EYA2: variants seen among roughly 807,000 people sequenced by gnomAD.
EYA2 encodes protein phosphatase EYA2.
In EYA2, 31 loss-of-function variants were observed where a neutral mutation model predicts 69.2. The ratio of observed to expected loss-of-function variants is 0.45; its 90% CI spans 0.34 to 0.60. The LOEUF is 0.60. Among genes scored for constraint, EYA2 ranks in the 20% least tolerant of loss-of-function variants. EYA2 has a pLI of 0.02. For missense variants in EYA2, 622 were observed against 701.2 expected (o/e 0.89, Z 1.28); for synonymous variants, 257 against 279.4 (o/e 0.92, Z 0.80).
At chr20:47,073,440 G>A (rs1162984186) in intron 6 of EYA2, among the ~76,000 whole-genome samples, 5 of 151,984 alleles carry the variant, frequency 3.3e-5, no homozygotes. Context: ...TAGTCTCCTG[G>A]GTTTGTGTGT....
At chr20:46,953,311 A>G (rs149209182) in intron 1 of EYA2, among the ~76,000 whole-genome samples, 248 of 152,314 alleles carry the variant, frequency 1.6e-3, no homozygotes, top group African/African-American at 5.6e-3. Context: ...CCCAAGAGTT[A>G]TGGGACCTGG....
chr20:47,166,531 T>G lies in EYA2; in HGVS notation c.979-2608T>G, dbSNP rs901948274. On this transcript the variant is annotated intron_variant, in intron 10 of 15. Coordinates refer to ENST00000327619, the MANE Select transcript of EYA2 (RefSeq NM_005244.5). ...ACTCCCATCAAGGTTCCAGAGATGT[T>G]ACAACCAATTTTTTCTCAGTAGTCA... Among the ~76,000 whole-genome samples, 25 of 150,384 alleles carry G rather than the reference T, an allele frequency of 1.7e-4. 1 individual carries two copies. The highest frequency in any genetic ancestry group is 6.7e-5 in the Admixed American group (1 of 15,026).
chr20:46,949,763 G>C (rs1978686986), intron 1 of EYA2, among the ~76,000 whole-genome samples: 1 of 152,240 alleles, frequency 6.6e-6, no homozygotes, highest in African/African-American at 2.4e-5. Flanking sequence ...TGCATTTTAA[G>C]ATTTGTGTGT....
intron 9 of EYA2, among the ~76,000 whole-genome samples, chr20:47,141,961 T>C (rs1020175349): frequency 3.9e-5 from 6 of 152,172 alleles, no homozygotes; most frequent in African/African-American, 1.4e-4. Flanking sequence ...TGAGCTCTCT[T>C]TTCTCACCCT....
chr20:47,097,263 C>A (rs2032277252), intron 9 of EYA2, 95 bp downstream of exon 9: 1 of 931,084 alleles, frequency 1.1e-6, no homozygotes, highest in Non-Finnish European at 1.6e-6. Context: ...GTTTATGAGG[C>A]AGCTTCTCCA....
rs1263650313 is a variant in EYA2 at position 46,987,958 on chromosome 20, CTCTCTCTATATA to C, written c.-10-2041_-10-2030del. ...TCTCTCTCTCTCTCTCTCTCTCTCT[CTCTCTCTATATA>C]TATATATATATATATATATATATAT... is the stretch of plus-strand genomic sequence containing the variant. On this transcript the variant is annotated intron_variant, in intron 1 of 15. Transcript: ENST00000327619. Among the ~76,000 whole-genome samples, 23 of 33,756 alleles carry C rather than the reference CTCTCTCTATATA, an allele frequency of 6.8e-4. No individual in the cohort carries two copies. The East Asian group carries it at 8.9e-3, about 13-fold the overall frequency. 22.1% of individuals were successfully genotyped at this position (33,756 alleles called of 152,430 possible).
chr20:47,011,855 T>C (rs764392473), intron 4 of EYA2, among the ~76,000 whole-genome samples: 3 of 152,200 alleles, frequency 2.0e-5, no homozygotes, highest in Non-Finnish European at 2.9e-5. Context: ...AATTTAATCA[T>C]GTTTGGAGAA....
chr20:47,109,408 C>T (rs1313964890), intron 9 of EYA2, among the ~76,000 whole-genome samples: 1 of 152,184 alleles, frequency 6.6e-6, no homozygotes, highest in Non-Finnish European at 1.5e-5. Context: ...CCCTCCCCTC[C>T]CTATATAGCT....
chr20:47,038,319 G>A (rs752349872), intron 5 of EYA2, among the ~76,000 whole-genome samples: 1 of 151,968 alleles, frequency 6.6e-6, no homozygotes, highest in Non-Finnish European at 1.5e-5. Context: ...GGGCAACATG[G>A]CAAGACCCCG....
chr20:47,091,661 A>G (rs369071344), intron 8 of EYA2, among the ~76,000 whole-genome samples: 5 of 151,760 alleles, frequency 3.3e-5, no homozygotes, highest in Admixed American at 6.6e-5. Flanking sequence ...GGAAGGATCA[A>G]TTGAGCCCAG....
chr20:46,996,077 G>T (rs1425310724), intron 2 of EYA2, among the ~76,000 whole-genome samples: 2 of 152,164 alleles, frequency 1.3e-5, no homozygotes, highest in Non-Finnish European at 2.9e-5. Context: ...TATGAGAATG[G>T]GTTGTAGATT....
At chr20:46,943,524 T>C (rs962759601) in intron 1 of EYA2, among the ~76,000 whole-genome samples, 6 of 152,184 alleles carry the variant, frequency 3.9e-5, no homozygotes, top group African/African-American at 1.4e-4. Context: ...TGCTGTTGGA[T>C]GTTGAATGAA....
Position 47,074,244 on chromosome 20 carries a change from C to T in EYA2, c.570C>T (p.Ser190=). The T allele has an allele frequency of 6.2e-7, 1 of 1,614,148 alleles. No individual in the cohort carries two copies. Among genetic ancestry groups the T allele is most frequent in the Non-Finnish European group, 8.5e-7 (1 of 1,179,996 alleles). The stretch of plus-strand genomic sequence containing the variant: ...ACAACCCTCCCTACGTCCCGGCCAG[C>T]AGCATCTGCCCTTCGCCCCTCTCCA... ...SSYNPPYVPA[S]SICPSPLSTS... Residue 190 remains serine, a synonymous_variant, in exon 7 of 16, where the codon AGC becomes AGT. Coordinates refer to ENST00000327619, the MANE Select transcript of EYA2 (RefSeq NM_005244.5).
intron 5 of EYA2, among the ~76,000 whole-genome samples, chr20:47,063,615 G>T (rs1212500249): frequency 1.3e-5 from 2 of 152,174 alleles, no homozygotes; most frequent in East Asian, 3.9e-4. Context: ...ATGAAAAGGA[G>T]AAAGTACCTC....
intron 9 of EYA2, among the ~76,000 whole-genome samples, chr20:47,112,555 A>G (rs1469529781): frequency 6.6e-6 from 1 of 152,242 alleles, no homozygotes; most frequent in Non-Finnish European, 1.5e-5. Flanking sequence ...GAGATTAGGC[A>G]TAGATTGGAG....
chr20:47,026,177 T>A (rs1370879717), intron 5 of EYA2, among the ~76,000 whole-genome samples: 1 of 152,134 alleles, frequency 6.6e-6, no homozygotes, highest in East Asian at 1.9e-4. Flanking sequence ...ATGTCTTGAG[T>A]CAGTGGGAAA....
chr20:47,061,853 G>T (rs2030906989), intron 5 of EYA2, among the ~76,000 whole-genome samples: 1 of 152,176 alleles, frequency 6.6e-6, no homozygotes, highest in Non-Finnish European at 1.5e-5. Context: ...TCCCCAAAGG[G>T]TTAGACATTT....
intron 1 of EYA2, chr20:46,901,419 G>A (rs1984099812): frequency 6.6e-6 from 1 of 152,140 alleles, no homozygotes; most frequent in African/African-American, 2.4e-5. Flanking sequence ...CAAGGTATAA[G>A]TACTCACCTT....
intron 10 of EYA2, among the ~76,000 whole-genome samples, chr20:47,152,833 G>A (rs2033850520): frequency 2.2e-5 from 3 of 139,446 alleles, no homozygotes; most frequent in Admixed American, 7.1e-5. Flanking sequence ...AGAAAGAAAA[G>A]AAAAAAAGAA....
Sources: gnomAD v4.1 joint callset for allele counts (sites outside exome capture counted in the v4.1 genomes callset) on GRCh38, gnomAD v4.1.1 for gene constraint, MANE v1.5 for transcripts, NCBI Gene and HGNC (gene_info 2026-07-23, HGNC 2026-07-21) for gene names.